NRXN3: variants seen among roughly 807,000 people sequenced by gnomAD.
The protein encoded by NRXN3 is neurexin III.
A neutral mutation model predicts 137.6 loss-of-function variants in NRXN3; 32 were observed. That is an observed-to-expected ratio of 0.23 (90% confidence interval 0.18 to 0.31). The LOEUF (loss-of-function observed/expected upper bound fraction) is 0.31, where lower values mean the gene tolerates loss of function less well. Ranked by LOEUF, NRXN3 falls within the 10% of genes least tolerant of loss-of-function variation. NRXN3 has a pLI of 1.00. For synonymous variants in NRXN3, 798 were observed against 784.5 expected, an observed-to-expected ratio of 1.02 and a Z score of -0.29; for missense variants, 1,574 against 2,062.5, an observed-to-expected ratio of 0.76 and a Z score of 4.59.
chr14:79,473,690 G>A lies in NRXN3; in HGVS notation c.3444+6288G>A, dbSNP rs377486705. Among the ~76,000 whole-genome samples, 6 of 152,300 alleles carry A rather than the reference G, an allele frequency of 3.9e-5. No individual in the cohort carries two copies. The South Asian group carries it at 1.0e-3, about 26-fold the overall frequency. On this transcript the variant is annotated intron_variant, in intron 16 of 20. Transcript: ENST00000335750. ...AGAGGTATCCAACAGATGCAATTTC[G>A]TTTCCCATGGAGTGCTGTGCACTGC...
intron 4 of NRXN3, among the ~76,000 whole-genome samples, chr14:78,636,836 A>ATTATTTTT (rs1566945000): frequency 6.6e-5 from 10 of 151,890 alleles, no homozygotes; most frequent in African/African-American, 2.4e-4. Flanking sequence ...TTTATTTTTT[A>ATTATTTTT]TTTTTTTAGC....
At chr14:79,216,059 G>A (rs772499938) in intron 15 of NRXN3, among the ~76,000 whole-genome samples, 5 of 152,186 alleles carry the variant, frequency 3.3e-5, no homozygotes, top group Non-Finnish European at 7.3e-5. Flanking sequence ...GTTTGTCTCT[G>A]TTCCCTGATG....
chr14:78,766,970 G>A (rs924354533), intron 8 of NRXN3, among the ~76,000 whole-genome samples: 1 of 152,200 alleles, frequency 6.6e-6, no homozygotes, highest in Non-Finnish European at 1.5e-5. Context: ...GAATTTCCCA[G>A]TAATTCCCTA....
At position 79,622,754 on chromosome 14, in the gene NRXN3, G is replaced by A. The variant is rs1285628254; in HGVS notation, c.3445-41024G>A. ...TGGGACTACAGGCATGTGACACCACGCCCGGCTAACTTTTTGTATTTTTAG... is the reference window on the plus strand; with the variant it reads ...TGGGACTACAGGCATGTGACACCACACCCGGCTAACTTTTTGTATTTTTAG... On this transcript the variant is annotated intron_variant, in intron 16 of 20. Coordinates refer to ENST00000335750, the MANE Select transcript of NRXN3 (RefSeq NM_001330195.2). Among the ~76,000 whole-genome samples, 21 of 152,028 alleles carry A rather than the reference G, an allele frequency of 1.4e-4. No individual in the cohort carries two copies. In the East Asian group the frequency reaches 3.7e-3, roughly 27 times the overall value.
chr14:79,225,164 C>T (rs1006187345), intron 15 of NRXN3, among the ~76,000 whole-genome samples: 3 of 152,126 alleles, frequency 2.0e-5, no homozygotes, highest in Admixed American at 6.6e-5. Flanking sequence ...TCTTGGCAGC[C>T]GCCTGTTCCA....
chr14:79,798,943 A>G (rs2099168774), intron 19 of NRXN3, among the ~76,000 whole-genome samples: 1 of 152,214 alleles, frequency 6.6e-6, no homozygotes, highest in Non-Finnish European at 1.5e-5. Context: ...CTGGAGGAAA[A>G]TACGTCAGAT....
intron 16 of NRXN3, among the ~76,000 whole-genome samples, chr14:79,624,071 T>C (rs1460222240): frequency 1.3e-5 from 2 of 152,142 alleles, no homozygotes; most frequent in Non-Finnish European, 2.9e-5. Flanking sequence ...CTGCCTTTGG[T>C]TGACACCATA....
intron 4 of NRXN3, among the ~76,000 whole-genome samples, chr14:78,549,823 T>C (rs2096669280): frequency 6.6e-6 from 1 of 152,166 alleles, no homozygotes; most frequent in Non-Finnish European, 1.5e-5. Flanking sequence ...TTCATTCCAG[T>C]ATTCATTTCT....
chr14:78,493,959 T>A (rs1051585821), intron 4 of NRXN3, among the ~76,000 whole-genome samples: 2 of 152,202 alleles, frequency 1.3e-5, no homozygotes, highest in Non-Finnish European at 2.9e-5. Context: ...CTGTCCTTTC[T>A]TATATGTGAG....
intron 4 of NRXN3, among the ~76,000 whole-genome samples, chr14:78,613,111 G>T (rs2097314022): frequency 6.6e-6 from 1 of 151,484 alleles, no homozygotes; most frequent in South Asian, 2.1e-4. Flanking sequence ...TTGCCAATCA[G>T]CCTCCTTGCT....
At chr14:79,094,354 G>T in intron 15 of NRXN3, among the ~76,000 whole-genome samples, 1 of 152,164 alleles carries the variant, frequency 6.6e-6, no homozygotes, top group Non-Finnish European at 1.5e-5. Flanking sequence ...CAAAGCATAA[G>T]CATCCATTTT....
chr14:78,484,169 A>G (rs1405886884), intron 4 of NRXN3, among the ~76,000 whole-genome samples: 1 of 152,200 alleles, frequency 6.6e-6, no homozygotes, highest in Non-Finnish European at 1.5e-5. Flanking sequence ...ATAATACACT[A>G]GTGCCACAGA....
intron 16 of NRXN3, among the ~76,000 whole-genome samples, chr14:79,558,996 TC>T (rs2097460575): frequency 6.6e-6 from 1 of 152,150 alleles, no homozygotes; most frequent in African/African-American, 2.4e-5. Context: ...TACTTTTTTT[TC>T]CTACAGCTTC....
At chr14:78,713,832 G>A (rs1006013791) in intron 7 of NRXN3, among the ~76,000 whole-genome samples, 5 of 152,128 alleles carry the variant, frequency 3.3e-5, no homozygotes, top group African/African-American at 1.2e-4. Context: ...AGAACAACAT[G>A]GAGGTAATGT....
At chr14:78,379,663 T>A (rs2088664870) in intron 4 of NRXN3, among the ~76,000 whole-genome samples, 1 of 152,246 alleles carries the variant, frequency 6.6e-6, no homozygotes. Context: ...TTCATGTGAA[T>A]GGCTAAGTGC....
chr14:79,390,185 CG>C (rs2094796101), intron 15 of NRXN3, among the ~76,000 whole-genome samples: 1 of 151,854 alleles, frequency 6.6e-6, no homozygotes, highest in South Asian at 2.1e-4. Context: ...GGCGCGGTGG[CG>C]GGCACCTGTA....
chr14:78,241,153 G>A (rs2067029184), intron 1 of NRXN3, among the ~76,000 whole-genome samples: 1 of 152,168 alleles, frequency 6.6e-6, no homozygotes, highest in African/African-American at 2.4e-5. Flanking sequence ...TAACTATTCA[G>A]TTGTCATCCA....
chr14:78,479,560 C>G lies in NRXN3; in HGVS notation c.758-165560C>G, dbSNP rs140550397. ...TCGTAAGGTTTGTCCCCAGAACATA[C>G]TTATTAAAATGCAGATTCTGGGCAC... On this transcript the variant is annotated intron_variant, in intron 4 of 20. Transcript: ENST00000335750. 2.9e-3 allele frequency among the ~76,000 whole-genome samples: 449 copies of G among 152,302 alleles called. 8 individuals are homozygous for G. The highest frequency in any genetic ancestry group is 0.01 in the African/African-American group (431 of 41,562).
intron 6 of NRXN3, among the ~76,000 whole-genome samples, chr14:78,682,946 A>G (rs1436194654): frequency 6.6e-6 from 1 of 152,220 alleles, no homozygotes; most frequent in East Asian, 1.9e-4. Flanking sequence ...CTAGTGACTT[A>G]GTAATATGTC....
Sources: allele counts gnomAD v4.1 joint callset (sites outside exome capture counted in the v4.1 genomes callset), GRCh38; gene constraint gnomAD v4.1.1; transcripts MANE v1.5; gene names NCBI Gene and HGNC (gene_info 2026-07-23, HGNC 2026-07-21).